Variants in GLB1L2 observed in about 807,000 individuals in gnomAD.
GLB1L2 encodes beta-galactosidase-1-like protein 2.
A neutral mutation model predicts 84.1 loss-of-function variants in GLB1L2; 68 were observed. That is an observed-to-expected ratio of 0.81 (90% CI 0.67 to 0.99). The LOEUF is 0.99. GLB1L2 is among the 50% of genes least tolerant of loss of function. The pLI, the probability that GLB1L2 is intolerant of heterozygous loss-of-function variation, is 0.00. For missense variants in GLB1L2, 762 were observed against 805.6 expected (o/e 0.95, Z 0.66); for synonymous variants, 290 against 318.0 (o/e 0.91, Z 0.94).
At position 134,333,145 on chromosome 11, in the gene GLB1L2, T is replaced by C. The variant is rs148670205; in HGVS notation, c.86+998T>C. Among the ~76,000 whole-genome samples, 5 of 152,310 alleles carry C rather than the reference T, an allele frequency of 3.3e-5. No individual in the cohort carries two copies. The East Asian group carries it at 9.6e-4, about 29-fold the overall frequency. Reference sequence around the variant, plus strand: ...GTCCTTTGTGGCCAGAAGAACACACTGACAAACTCTATGTTTACACCTTGT... The same window carrying C: ...GTCCTTTGTGGCCAGAAGAACACACCGACAAACTCTATGTTTACACCTTGT... On this transcript the variant is annotated intron_variant, in intron 1 of 18. Transcript: ENST00000535456.
intron 5 of GLB1L2, among the ~76,000 whole-genome samples, chr11:134,351,576 C>G (rs1240525973): frequency 6.6e-6 from 1 of 152,034 alleles, no homozygotes; most frequent in East Asian, 1.9e-4. Context: ...AACTTCTGAC[C>G]TCAGGTGATC....
intron 9 of GLB1L2, 102 bp downstream of exon 9, chr11:134,367,443 C>A: frequency 1.1e-6 from 1 of 929,824 alleles, no homozygotes; most frequent in Non-Finnish European, 1.7e-6. Context: ...GGGTGCAAGG[C>A]TGCTGGGATT....
chr11:134,358,794 C>T (rs915558596), intron 6 of GLB1L2, among the ~76,000 whole-genome samples: 3 of 151,722 alleles, frequency 2.0e-5, no homozygotes, highest in Non-Finnish European at 4.4e-5. Context: ...GCTGGCCCAC[C>T]GGGCACCTTC....
intron 1 of GLB1L2, among the ~76,000 whole-genome samples, chr11:134,337,389 C>G (rs1376776673): frequency 6.6e-6 from 1 of 152,192 alleles, no homozygotes; most frequent in Non-Finnish European, 1.5e-5. Context: ...AAAGCTGGGC[C>G]AGAAACAGGG....
Position 134,370,816 on chromosome 11 carries a change from G to T in GLB1L2, c.1216-192G>T, listed in dbSNP as rs1310369993. Among the ~76,000 whole-genome samples, 1 of 152,156 alleles carries T rather than the reference G, an allele frequency of 6.6e-6. No individual in the cohort carries two copies. The highest frequency in any genetic ancestry group is 1.5e-5 in the Non-Finnish European group (1 of 68,028). ...CCCTGCCTGCGGACTGCACTCTGCT[G>T]GTGCACACCCCTTTGCCCCACTCCT... On this transcript the variant is annotated intron_variant, in intron 12 of 18. Coordinates refer to ENST00000535456, the MANE Select transcript of GLB1L2 (RefSeq NM_001370461.1). The surrounding 1 kb of genome is among the most constrained non-coding windows in gnomAD (Gnocchi z 4.7).
intron 5 of GLB1L2, among the ~76,000 whole-genome samples, chr11:134,349,246 A>G (rs773425374): frequency 4.6e-5 from 7 of 152,228 alleles, no homozygotes; most frequent in Admixed American, 1.3e-4. Context: ...CTCAAGGTTC[A>G]TCTGTGTCAT....
At chr11:134,362,648 G>A (rs1943811805) in intron 7 of GLB1L2, among the ~76,000 whole-genome samples, 1 of 152,210 alleles carries the variant, frequency 6.6e-6, no homozygotes, top group Non-Finnish European at 1.5e-5. Flanking sequence ...CGGTGGACAG[G>A]AATGTGCTGT....
At position 134,339,226 on chromosome 11, in the gene GLB1L2, A is replaced by G. The variant is rs1393601553; in HGVS notation, c.87-3528A>G. Among the ~76,000 whole-genome samples the G allele has an allele frequency of 6.6e-6, 1 of 151,820 alleles. No individual in the cohort carries two copies. The highest frequency in any genetic ancestry group is 1.5e-5 in the Non-Finnish European group (1 of 67,968). ...GTCTTGCTGACCTTTAAACCAACCAACTCCAACCACACTGTTGATATTTCC... is the reference window on the plus strand; with the variant it reads ...GTCTTGCTGACCTTTAAACCAACCAGCTCCAACCACACTGTTGATATTTCC... On this transcript the variant is annotated intron_variant, in intron 1 of 18. Transcript: ENST00000535456. The surrounding 1 kb of genome is among the most constrained non-coding windows in gnomAD (Gnocchi z 5.7).
At chr11:134,374,789 C>A in intron 18 of GLB1L2, 71 bp downstream of exon 18, 2 of 1,341,760 alleles carry the variant, frequency 1.5e-6, no homozygotes, top group South Asian at 1.2e-5. Flanking sequence ...AGCCTTCGGT[C>A]AGGGTGGAGG....
At chr11:134,367,195 A>C in intron 8 of GLB1L2, 62 bp from the exon 9 acceptor site, 3 of 1,366,184 alleles carry the variant, frequency 2.2e-6, no homozygotes, top group Non-Finnish European at 3.1e-6. Context: ...CCCTCCATGA[A>C]GAGCTTCCCT....
intron 1 of GLB1L2, among the ~76,000 whole-genome samples, chr11:134,342,183 G>C (rs1036438096): frequency 3.9e-5 from 6 of 152,116 alleles, no homozygotes; most frequent in Admixed American, 3.3e-4. Context: ...CTCGCGGACC[G>C]GAGCCTTCGA....
chr11:134,353,417 A>C (rs1000850070), intron 5 of GLB1L2, among the ~76,000 whole-genome samples: 3 of 152,188 alleles, frequency 2.0e-5, no homozygotes, highest in Admixed American at 1.3e-4. Context: ...TTTTTTTTAA[A>C]AAAGAAAAAT....
intron 7 of GLB1L2, 79 bp from the exon 8 acceptor site, chr11:134,364,249 A>G: frequency 9.4e-7 from 1 of 1,060,926 alleles, no homozygotes; most frequent in East Asian, 2.5e-5. Flanking sequence ...TGGTGGATTG[A>G]GAAGGGTCTG....
In GLB1L2 at chr11:134,347,351, G is replaced by A. The variant is rs769818123; in HGVS notation, c.476G>A (p.Arg159Lys). 3 of 1,614,120 alleles carry A rather than the reference G, an allele frequency of 1.9e-6. No individual in the cohort carries two copies. Among genetic ancestry groups the A allele is most frequent in the Non-Finnish European group, 2.5e-6 (3 of 1,179,972 alleles). The change falls in exon 5 of 19, where the codon AGG becomes AAG. Residue 159 changes from arginine to lysine, a missense_variant. Arg to Lys is a conservative substitution (Grantham distance 26). Transcript: ENST00000535456. ...TGGCTACTCCAAGACCCTGGCATGA[G>A]GCTGAGGACAACTTACAAGGGCTTC... ...PSWLLQDPGM[R>K]LRTTYKGFTE...
Position 134,374,251 on chromosome 11 carries a change from C to A in GLB1L2, c.1702C>A (p.Leu568Met). The A allele has an allele frequency of 6.2e-7, 1 of 1,607,360 alleles. No individual in the cohort carries two copies. The highest frequency in any genetic ancestry group is 8.5e-7 in the Non-Finnish European group (1 of 1,173,832). ...SSTPCDTFLK[L>M]EGWEKGVVFI... ...CACCCCTTGTGACACCTTTCTGAAG[C>A]TGGAGGTTGGTAACGCCCTTTTCCC... Residue 568 changes from leucine to methionine, a missense_variant, in exon 17 of 19, where the codon CTG becomes ATG. Leu to Met is a conservative substitution (Grantham distance 15). Coordinates refer to ENST00000535456, the MANE Select transcript of GLB1L2 (RefSeq NM_001370461.1).
At chr11:134,335,143 C>T (rs1943363498) in intron 1 of GLB1L2, among the ~76,000 whole-genome samples, 1 of 152,064 alleles carries the variant, frequency 6.6e-6, no homozygotes, top group South Asian at 2.1e-4. Flanking sequence ...ATTCCAGACC[C>T]CAAATTCTTC....
intron 7 of GLB1L2, among the ~76,000 whole-genome samples, chr11:134,361,871 A>T (rs756090422): frequency 8.5e-5 from 13 of 152,154 alleles, no homozygotes; most frequent in Non-Finnish European, 1.8e-4. Flanking sequence ...GCTTCGGCAC[A>T]GGGGACTCCG....
chr11:134,368,029 G>A (rs1266999375), intron 9 of GLB1L2, among the ~76,000 whole-genome samples: 2 of 151,900 alleles, frequency 1.3e-5, no homozygotes, highest in Admixed American at 6.6e-5. Context: ...CTCAGCCCCC[G>A]GAAAGACGGC....
At chr11:134,359,376 G>A (rs563076256) in intron 7 of GLB1L2, among the ~76,000 whole-genome samples, 22 of 152,320 alleles carry the variant, frequency 1.4e-4, no homozygotes, top group African/African-American at 4.8e-4. Flanking sequence ...GGGCACTCGG[G>A]CTCCAAGGGC....
Sources: gnomAD v4.1 joint callset for allele counts (sites outside exome capture counted in the v4.1 genomes callset) on GRCh38, gnomAD v4.1.1 for gene constraint, Gnocchi (gnomAD v3.1) non-coding constraint, MANE v1.5 for transcripts, NCBI Gene and HGNC (gene_info 2026-07-23, HGNC 2026-07-21) for gene names.